TUB: variants seen among roughly 807,000 people sequenced by gnomAD.
The protein encoded by TUB is TUB bipartite transcription factor.
A neutral mutation model predicts 59.7 loss-of-function variants in TUB; 33 were observed. The ratio of observed to expected loss-of-function variants is 0.55; its 90% CI spans 0.42 to 0.74. TUB has a LOEUF of 0.74. Ranked by LOEUF, TUB falls within the 30% of genes least tolerant of loss-of-function variation. TUB has a pLI of 0.00. For synonymous variants in TUB, 293 were observed against 256.4 expected (o/e 1.14, Z -1.36); for missense variants, 659 against 672.0 (o/e 0.98, Z 0.21).
At chr11:8,091,612 A>G (rs1259559967) in intron 3 of TUB, among the ~76,000 whole-genome samples, 2 of 152,190 alleles carry the variant, frequency 1.3e-5, no homozygotes, top group African/African-American at 2.4e-5. Flanking sequence ...CTCCCTGATG[A>G]AAAGCTCCTT....
chr11:8,050,229 C>G (rs1393650863), intron 2 of TUB, among the ~76,000 whole-genome samples: 1 of 152,202 alleles, frequency 6.6e-6, no homozygotes, highest in Non-Finnish European at 1.5e-5. Context: ...TATATGCATT[C>G]TACCGTTCAT....
At position 8,081,279 on chromosome 11, in the gene TUB, G is replaced by T. The variant is rs1423008291; in HGVS notation, c.-232G>T. ...CCTCCCCGCCTCCACGCGCGCGCACGACCCGCGCACTCCCGGAGCTTCGCC... is the reference window on the plus strand; with the variant it reads ...CCTCCCCGCCTCCACGCGCGCGCACTACCCGCGCACTCCCGGAGCTTCGCC... On this transcript the variant is annotated 5_prime_UTR_variant, in exon 1 of 12. Coordinates refer to ENST00000299506, the MANE Select transcript of TUB (RefSeq NM_177972.3). The T allele has an allele frequency of 3.9e-6, 3 of 772,386 alleles. No homozygotes were observed. The highest frequency in any genetic ancestry group is 4.7e-6 in the Non-Finnish European group (3 of 635,460). 47.8% of individuals were successfully genotyped at this position (772,386 alleles called of 1,614,324 possible). A position where few individuals can be genotyped will look rare whatever the true frequency, so the allele number is the denominator to read the frequency against.
rs746730851 is a variant in TUB, at chr11:8,096,773, C to T, written c.654C>T (p.Arg218=). 6.2e-7 allele frequency: 1 copy of T among 1,614,174 alleles called. No homozygotes were observed. Among genetic ancestry groups the T allele is most frequent in the Non-Finnish European group, 8.5e-7 (1 of 1,180,016 alleles). ...SSSSQLNSNT[R]PSSATSRKSV... ...CCTCCCAGCTAAATAGTAACACCCGCCCCAGCTCTGCTACTAGCAGGAAGT... is the reference window on the plus strand; with the variant it reads ...CCTCCCAGCTAAATAGTAACACCCGTCCCAGCTCTGCTACTAGCAGGAAGT... Residue 218 remains arginine (R), a synonymous_variant, in exon 6 of 12, where the codon CGC becomes CGT. Transcript: ENST00000299506.
At chr11:8,020,711 A>G (rs1211686676) in intron 1 of TUB, among the ~76,000 whole-genome samples, 1 of 152,014 alleles carries the variant, frequency 6.6e-6, no homozygotes, top group Non-Finnish European at 1.5e-5. Flanking sequence ...TCTCCTGTCC[A>G]CCTCATGATT....
At chr11:8,083,293 G>A (rs947526047) in intron 1 of TUB, among the ~76,000 whole-genome samples, 1 of 152,182 alleles carries the variant, frequency 6.6e-6, no homozygotes, top group Admixed American at 6.5e-5. Context: ...GGTGGGAGGG[G>A]CAGCACTTAC....
At chr11:8,033,279 G>GGACTCCGGGA (rs998899301) in intron 1 of TUB, among the ~76,000 whole-genome samples, 6 of 152,190 alleles carry the variant, frequency 3.9e-5, no homozygotes, top group Non-Finnish European at 8.8e-5. Context: ...TTCAGGGCCT[G>GGACTCCGGGA]GACTCCGGGA....
chr11:8,084,398 A>G (rs1362171172), intron 1 of TUB, among the ~76,000 whole-genome samples: 1 of 152,186 alleles, frequency 6.6e-6, no homozygotes, highest in Non-Finnish European at 1.5e-5. Context: ...AGTACTAATA[A>G]TTTCTAATTC....
chr11:8,099,627 C>T (rs1944166772), intron 9 of TUB, among the ~76,000 whole-genome samples: 1 of 152,160 alleles, frequency 6.6e-6, no homozygotes, highest in South Asian at 2.1e-4. Flanking sequence ...ACTTAAAGCC[C>T]TAGCAGGGCA....
rs565271055 is a variant in TUB at position 8,105,328 on chromosome 11, C to T, written c.*3709C>T. Reference sequence around the variant, plus strand: ...ACCTGAATGACCTGCAGTCAGGGCCCAGAGTTGGGACTCTATACTACCCTG... The same window carrying T: ...ACCTGAATGACCTGCAGTCAGGGCCTAGAGTTGGGACTCTATACTACCCTG... On this transcript the variant is annotated 3_prime_UTR_variant, in exon 12 of 12. Transcript: ENST00000299506. 2 of 152,282 alleles carry T rather than the reference C, an allele frequency of 1.3e-5. No homozygotes were observed. The highest frequency in any genetic ancestry group is 4.8e-5 in the African/African-American group (2 of 41,556). 9.4% of individuals were successfully genotyped at this position (152,282 alleles called of 1,614,324 possible).
At chr11:8,048,374 A>G (rs1942872183) in intron 2 of TUB, among the ~76,000 whole-genome samples, 1 of 152,164 alleles carries the variant, frequency 6.6e-6, no homozygotes. Context: ...ACAATAGATG[A>G]AGGTGCTTTT....
At chr11:8,080,426 C>A (rs939570212), upstream of TUB, among the ~76,000 whole-genome samples, 1 of 152,202 alleles carries the variant, frequency 6.6e-6, no homozygotes, top group Non-Finnish European at 1.5e-5. Flanking sequence ...ACCTCCTCAG[C>A]GCGCAGAGAC....
At chr11:8,089,711 C>CT (rs1417576485) in intron 2 of TUB, 50 bp downstream of exon 2, 2 of 1,609,656 alleles carry the variant, frequency 1.2e-6, no homozygotes, top group Admixed American at 3.3e-5. Flanking sequence ...GCTGGGATCT[C>CT]TGAGGGCAGA....
At chr11:8,092,427 G>A (rs1881230) in intron 3 of TUB, among the ~76,000 whole-genome samples, 95,268 of 151,922 alleles carry the variant, frequency 0.63, 30,165 homozygotes, top group Middle Eastern at 0.7. Context: ...GTTTCTGGTC[G>A]TGCCACTACC....
intron 2 of TUB, among the ~76,000 whole-genome samples, chr11:8,066,500 C>A (rs1325156171): frequency 6.6e-6 from 1 of 152,204 alleles, no homozygotes; most frequent in Non-Finnish European, 1.5e-5. Flanking sequence ...AAGTGATGAA[C>A]CTCGTTCTCT....
intron 2 of TUB, among the ~76,000 whole-genome samples, chr11:8,064,865 T>C (rs1292998557): frequency 2.0e-5 from 3 of 152,178 alleles, no homozygotes; most frequent in African/African-American, 7.2e-5. Flanking sequence ...AAGTCAGCAA[T>C]TTAAATCGTG....
At chr11:8,029,181 C>T (rs1942537313) in intron 1 of TUB, among the ~76,000 whole-genome samples, 1 of 152,056 alleles carries the variant, frequency 6.6e-6, no homozygotes, top group African/African-American at 2.4e-5. Flanking sequence ...TTTTTCTGGC[C>T]CCGGGTTCCC....
chr11:8,099,900 A>G (rs973994953), intron 9 of TUB, among the ~76,000 whole-genome samples: 3 of 152,236 alleles, frequency 2.0e-5, no homozygotes, highest in Non-Finnish European at 2.9e-5. Context: ...CAGGCAGTAA[A>G]TGGTGAGGAG....
exon 1 of TUB, chr11:8,019,335 T>C: frequency 7.8e-7 from 1 of 1,281,942 alleles, no homozygotes; most frequent in South Asian, 2.7e-5. Flanking sequence ...GGACCCTGTC[T>C]TACAGCCGCT....
rs1440466684 is a variant in TUB at position 8,102,303 on chromosome 11, G to A, written c.*684G>A. ...TTTCTAGCGCATTTGATTTCTCCAG[G>A]TTTGCTGTGTCTCACAGAGGCAGTA... On this transcript the variant is annotated 3_prime_UTR_variant, in exon 12 of 12. Transcript: ENST00000299506. 1 of 152,142 alleles carries A rather than the reference G, an allele frequency of 6.6e-6. No individual in the cohort carries two copies. The highest frequency in any genetic ancestry group is 1.5e-5 in the Non-Finnish European group (1 of 68,080). The allele number at this position is 152,142 out of a possible 1,614,324, so 9.4% of individuals were successfully genotyped here. A position where few individuals can be genotyped will look rare whatever the true frequency, so the allele number is the denominator to read the frequency against.
Sources: gnomAD v4.1 joint callset for allele counts (sites outside exome capture counted in the v4.1 genomes callset) on GRCh38, gnomAD v4.1.1 for gene constraint, MANE v1.5 for transcripts, NCBI Gene and HGNC (gene_info 2026-07-23, HGNC 2026-07-21) for gene names.